The following RELN variants were observed in gnomAD, a reference collection of about 807,000 sequenced individuals.
RELN encodes reelin.
RELN carries 108 observed loss-of-function variants against 427.6 expected under a neutral mutation model. That is an observed-to-expected ratio of 0.25 (90% confidence interval 0.22 to 0.30). RELN has a LOEUF of 0.30. Among genes scored for constraint, RELN ranks in the 10% least tolerant of loss-of-function variants. RELN has a pLI of 1.00. For synonymous variants in RELN, 1,524 were observed against 1,513.4 expected (o/e 1.01, Z -0.16); for missense variants, 3,715 against 4,302.8 (o/e 0.86, Z 3.82).
intron 1 of RELN, among the ~76,000 whole-genome samples, chr7:103,985,580 C>G (rs1037597085): frequency 2.6e-5 from 4 of 152,148 alleles, no homozygotes; most frequent in Admixed American, 2.6e-4. Flanking sequence ...CTTTCTATCC[C>G]CATATCTATT....
rs1830151880 is a variant in RELN, at chr7:103,540,383, T to A, written c.6744A>T (p.Leu2248=). Residue 2248 remains leucine, a synonymous_variant, in exon 44 of 65, where the codon CTA becomes CTT. Transcript: ENST00000428762. ...VPDPRSQPVL[L]QYSLNGGLSW... ...AGAGGCCACCGTTGAGAGAATACTG[T>A]AGGAGCACGGGTTGACTCCTGGGGT... is the stretch of plus-strand genomic sequence containing the variant. The A allele has an allele frequency of 6.2e-7, 1 of 1,614,040 alleles. No individual in the cohort carries two copies. Among genetic ancestry groups the A allele is most frequent in the African/African-American group, 1.3e-5 (1 of 74,932 alleles).
At chr7:103,726,015 A>G (rs544015700) in intron 7 of RELN, among the ~76,000 whole-genome samples, 1 of 152,340 alleles carries the variant, frequency 6.6e-6, no homozygotes, top group South Asian at 2.1e-4. Flanking sequence ...TTTATGAAAA[A>G]TAAGAAGGCA....
intron 9 of RELN, among the ~76,000 whole-genome samples, chr7:103,699,149 G>A (rs1834038831): frequency 6.6e-6 from 1 of 151,980 alleles, no homozygotes. Context: ...AAAAATGATT[G>A]CCTTTGCTAA....
intron 1 of RELN, among the ~76,000 whole-genome samples, chr7:103,981,443 C>A (rs1458333201): frequency 6.6e-6 from 1 of 152,152 alleles, no homozygotes; most frequent in African/African-American, 2.4e-5. Context: ...TCAAAAATTT[C>A]CTAGGAAACA....
rs2117349069 is a variant in RELN, at chr7:103,635,583, A to T, written c.2307T>A (p.Phe769Leu). The T allele has an allele frequency of 6.2e-7, 1 of 1,613,428 alleles. No homozygotes were observed. Among genetic ancestry groups the T allele is most frequent in the Non-Finnish European group, 8.5e-7 (1 of 1,179,422 alleles). The change falls in exon 19 of 65, where the codon TTT becomes TTA. Residue 769 changes from phenylalanine (F) to leucine (L), a missense_variant. By Grantham distance (22) the Phe-to-Leu change is conservative. Around this residue, in one of 4 missense-constraint regions of RELN, gnomAD observed 2,208 missense variants for 2,361.7 expected, o/e 0.93. Coordinates refer to ENST00000428762, the MANE Select transcript of RELN (RefSeq NM_005045.4). ...TSFLDSSQSRFLQFTLRLGSK... is the reference protein window; with the variant it reads ...TSFLDSSQSRLLQFTLRLGSK... ...TCCCCAGTCTCAGTGTGAACTGGAG[A>T]AACCTAGACAGAAATTGTCTATAAT...
At chr7:103,877,861 T>C (rs1393822602) in intron 2 of RELN, among the ~76,000 whole-genome samples, 1 of 47,710 alleles carries the variant, frequency 2.1e-5, no homozygotes, top group Non-Finnish European at 4.8e-5. Context: ...TCCCTGCCTT[T>C]TTTTTTTTTT....
Position 103,977,700 on chromosome 7 carries a change from T to C in RELN, c.226+11431A>G, listed in dbSNP as rs1225108431. Reference sequence around the variant, plus strand: ...TTAGCAGTTGACCACTCCCTTCTCCTTGAGACACGAATCATTTCTACATCT... The same window carrying C: ...TTAGCAGTTGACCACTCCCTTCTCCCTGAGACACGAATCATTTCTACATCT... On this transcript the variant is annotated intron_variant, in intron 1 of 64. Transcript: ENST00000428762. Among the ~76,000 whole-genome samples, 3 of 152,092 alleles carry C rather than the reference T, an allele frequency of 2.0e-5. No homozygotes were observed. The East Asian group carries it at 5.8e-4, about 29-fold the overall frequency.
At chr7:103,774,313 A>T (rs991755614) in intron 4 of RELN, among the ~76,000 whole-genome samples, 1 of 151,714 alleles carries the variant, frequency 6.6e-6, no homozygotes, top group Non-Finnish European at 1.5e-5. Flanking sequence ...AAAAAAAAAA[A>T]AATACTTTCA....
At chr7:103,581,831 A>G (rs1330183977) in intron 28 of RELN, among the ~76,000 whole-genome samples, 1 of 152,030 alleles carries the variant, frequency 6.6e-6, no homozygotes, top group Non-Finnish European at 1.5e-5. Flanking sequence ...GACTACATGG[A>G]GAGAAAGGTC....
chr7:103,694,830 T>TC (rs1833944012), intron 10 of RELN, among the ~76,000 whole-genome samples: 1 of 139,844 alleles, frequency 7.2e-6, no homozygotes, highest in African/African-American at 2.9e-5. Flanking sequence ...TGGCTAGTTT[T>TC]TTTTTTTTAA....
At chr7:103,874,433 G>A (rs200874445) in intron 2 of RELN, among the ~76,000 whole-genome samples, 5,023 of 126,158 alleles carry the variant, frequency 0.04, 104 homozygotes, top group East Asian at 0.12. Context: ...GTTTGCAGAT[G>A]ACATGATTGT....
At chr7:103,521,219 T>C (rs1829701907) in intron 48 of RELN, among the ~76,000 whole-genome samples, 1 of 151,678 alleles carries the variant, frequency 6.6e-6, no homozygotes, top group Admixed American at 6.6e-5. Context: ...GACCTCATGA[T>C]CCACCCGCCT....
chr7:103,478,315 C>T (rs1323326662), intron 64 of RELN, 74 bp downstream of exon 64: 3 of 649,734 alleles, frequency 4.6e-6, no homozygotes, highest in African/African-American at 1.8e-5. Flanking sequence ...CTTTACAAAA[C>T]TTCTCAGTTA....
At chr7:103,473,123 T>C in intron 64 of RELN, 4 of 665,978 alleles carry the variant, frequency 6.0e-6, no homozygotes, top group Non-Finnish European at 1.1e-5. Context: ...AAGAAATCCC[T>C]GTCTTTTCAT....
Position 103,528,079 on chromosome 7 carries a change from G to A in RELN, c.7350-4548C>T, listed in dbSNP as rs373625600. Among the ~76,000 whole-genome samples, 4 of 152,232 alleles carry A rather than the reference G, an allele frequency of 2.6e-5. No individual in the cohort carries two copies. In the East Asian group the frequency reaches 7.7e-4, roughly 29 times the overall value. On this transcript the variant is annotated intron_variant, in intron 46 of 64. Coordinates refer to ENST00000428762, the MANE Select transcript of RELN (RefSeq NM_005045.4). ...TCCTAGGTATATAGCCAAGAAAAGTGAAAACATACATCCACATAAAACTTG... is the reference window on the plus strand; with the variant it reads ...TCCTAGGTATATAGCCAAGAAAAGTAAAAACATACATCCACATAAAACTTG...
chr7:103,661,443 C>T lies in RELN; in HGVS notation c.1374G>A (p.Glu458=), dbSNP rs1378977181. The T allele has an allele frequency of 1.3e-5, 21 of 1,613,724 alleles. No homozygotes were observed. Among genetic ancestry groups the T allele is most frequent in the Non-Finnish European group, 1.7e-5 (20 of 1,179,860 alleles). ...GLSMVFLKDG[E]RKLCTPSMDT... ...CCATGGATGGAGTGCATAATTTCCT[C>T]TCTCCATCTTTGAGGAAGACCATTG... Residue 458 remains glutamate, a synonymous_variant, in exon 12 of 65, where the codon GAG becomes GAA. Coordinates refer to ENST00000428762, the MANE Select transcript of RELN (RefSeq NM_005045.4).
chr7:103,487,860 T>C (rs942921224), intron 60 of RELN, among the ~76,000 whole-genome samples: 2 of 152,156 alleles, frequency 1.3e-5, no homozygotes, highest in African/African-American at 4.8e-5. Context: ...TATTCAGTAA[T>C]GGGTGGGGCG....
chr7:103,843,929 C>T (rs13233763), intron 2 of RELN, among the ~76,000 whole-genome samples: 21,184 of 152,180 alleles, frequency 0.14, 1,815 homozygotes, highest in South Asian at 0.33. Context: ...TGCTTAACAG[C>T]TGCATGGTGG....
rs1828817517 is a variant in RELN at position 103,495,640 on chromosome 7, CT to C, written c.9369+82del. 14 of 1,283,284 alleles carry C rather than the reference CT, an allele frequency of 1.1e-5. No homozygotes were observed. In the South Asian group the frequency reaches 1.7e-4, roughly 15 times the overall value. The allele number at this position is 1,283,284 out of a possible 1,614,324, so 79.5% of individuals were successfully genotyped here. ...TTTAATGAATAATATCAGTCATTTC[CT>C]TATAGTTGTCTGACTAACCATTCTC... On this transcript the variant is annotated intron_variant, in intron 57 of 64. Transcript: ENST00000428762.
Sources: gnomAD v4.1 joint callset for allele counts (sites outside exome capture counted in the v4.1 genomes callset) on GRCh38, gnomAD v4.1.1 for gene constraint, gnomAD v4.1.1 regional missense constraint, MANE v1.5 for transcripts, NCBI Gene and HGNC (gene_info 2026-07-23, HGNC 2026-07-21) for gene names.